Variants in GRIA1 observed in about 807,000 individuals in gnomAD.
The protein encoded by GRIA1 is glutamate receptor 1.
GRIA1 carries 31 observed loss-of-function variants against 99.2 expected under a neutral mutation model. That is an observed-to-expected ratio of 0.31 (90% confidence interval 0.23 to 0.42). The LOEUF (loss-of-function observed/expected upper bound fraction) is 0.42, where lower values mean the gene tolerates loss of function less well. GRIA1 is among the 10% of genes least tolerant of loss of function. GRIA1 has a pLI of 1.00. For synonymous variants in GRIA1, 438 were observed against 432.4 expected, an observed-to-expected ratio of 1.01 and a Z score of -0.16; for missense variants, 782 against 1,157.5, an observed-to-expected ratio of 0.68 and a Z score of 4.71.
chr5:153,545,493 T>C (rs945546073), intron 2 of GRIA1, among the ~76,000 whole-genome samples: 1 of 152,122 alleles, frequency 6.6e-6, no homozygotes, highest in Admixed American at 6.6e-5. Context: ...TAACCTTCTA[T>C]GCATTTCAGG....
At chr5:153,660,147 G>A (rs1481901160) in intron 5 of GRIA1, among the ~76,000 whole-genome samples, 1 of 152,154 alleles carries the variant, frequency 6.6e-6, no homozygotes, top group African/African-American at 2.4e-5. Context: ...TCAGGAATAT[G>A]ACAAAAACCA....
intron 5 of GRIA1, among the ~76,000 whole-genome samples, chr5:153,669,890 T>C (rs1397094722): frequency 6.6e-6 from 1 of 152,154 alleles, no homozygotes; most frequent in Non-Finnish European, 1.5e-5. Context: ...CCCTTCTCAA[T>C]GTTTGTTAGC....
chr5:153,698,828 C>A (rs1342736131), intron 9 of GRIA1, 39 bp from the exon 10 acceptor site: 1 of 1,360,860 alleles, frequency 7.3e-7, no homozygotes, highest in East Asian at 2.3e-5. Context: ...TGGGTGAACC[C>A]ATAACCCACA....
At chr5:153,526,995 G>T (rs1757658920) in intron 2 of GRIA1, among the ~76,000 whole-genome samples, 1 of 152,180 alleles carries the variant, frequency 6.6e-6, no homozygotes, top group Non-Finnish European at 1.5e-5. Flanking sequence ...AGCACTTGGT[G>T]GGTGCTCAGG....
At chr5:153,578,148 C>CAAAAAAAAAAAAAAA (rs60901793) in intron 2 of GRIA1, among the ~76,000 whole-genome samples, 14 of 69,314 alleles carry the variant, frequency 2.0e-4, no homozygotes, top group Non-Finnish European at 2.7e-4. Flanking sequence ...GAGACTCTGT[C>CAAAAAAAAAAAAAAA]AAAAAAAAAA....
intron 2 of GRIA1, among the ~76,000 whole-genome samples, chr5:153,543,942 A>T (rs896669083): frequency 6.6e-6 from 1 of 150,982 alleles, no homozygotes; most frequent in African/African-American, 2.4e-5. Context: ...GAAAAAATAA[A>T]GCATGGAGGG....
chr5:153,794,262 C>T (rs542529941), intron 13 of GRIA1, among the ~76,000 whole-genome samples: 8 of 151,958 alleles, frequency 5.3e-5, no homozygotes, highest in South Asian at 4.2e-4. Flanking sequence ...CACCGATGCC[C>T]GTCTTTCATT....
chr5:153,745,313 C>T (rs1030706272), intron 11 of GRIA1, among the ~76,000 whole-genome samples: 4 of 150,500 alleles, frequency 2.7e-5, no homozygotes, highest in South Asian at 2.1e-4. Flanking sequence ...ATAGACTGGG[C>T]ATGGTGGCTG....
intron 2 of GRIA1, among the ~76,000 whole-genome samples, chr5:153,509,156 ATAACAATATCCAATG>A (rs1459204282): frequency 1.3e-5 from 2 of 152,260 alleles, no homozygotes; most frequent in Non-Finnish European, 2.9e-5. Flanking sequence ...GTGTAATTTT[ATAACAATATCCAATG>A]TAACACAGAG....
intron 2 of GRIA1, among the ~76,000 whole-genome samples, chr5:153,519,135 G>A (rs777874295): frequency 2.0e-5 from 3 of 152,014 alleles, no homozygotes; most frequent in East Asian, 1.9e-4. Context: ...ATGATGGCAC[G>A]CACCTGTAGT....
At chr5:153,641,957 TAG>T (rs1753804827) in intron 2 of GRIA1, among the ~76,000 whole-genome samples, 1 of 152,182 alleles carries the variant, frequency 6.6e-6, no homozygotes, top group Admixed American at 6.5e-5. Flanking sequence ...TTGCCTAACA[TAG>T]TGTCTTCACA....
At chr5:153,701,449 C>G (rs1485397728) in intron 10 of GRIA1, among the ~76,000 whole-genome samples, 8 of 151,636 alleles carry the variant, frequency 5.3e-5, no homozygotes, top group African/African-American at 1.9e-4. Flanking sequence ...CCCATCTCTA[C>G]TAAGAATACA....
intron 2 of GRIA1, among the ~76,000 whole-genome samples, chr5:153,637,303 A>G (rs1303058829): frequency 6.6e-6 from 1 of 152,192 alleles, no homozygotes; most frequent in Non-Finnish European, 1.5e-5. Context: ...TTCCAGGCAC[A>G]TGTAAATTAA....
intron 13 of GRIA1, among the ~76,000 whole-genome samples, chr5:153,773,505 C>A (rs1001153538): frequency 6.6e-6 from 1 of 152,210 alleles, no homozygotes; most frequent in Non-Finnish European, 1.5e-5. Flanking sequence ...TGGACACTGA[C>A]TTTAACACAC....
chr5:153,739,293 G>T (rs1445470214), intron 11 of GRIA1, among the ~76,000 whole-genome samples: 1 of 152,034 alleles, frequency 6.6e-6, no homozygotes, highest in African/African-American at 2.4e-5. Context: ...AAGGTCTTTG[G>T]TTTTTGTTAT....
At chr5:153,550,431 A>C (rs981177709) in intron 2 of GRIA1, among the ~76,000 whole-genome samples, 1 of 152,114 alleles carries the variant, frequency 6.6e-6, no homozygotes, top group African/African-American at 2.4e-5. Flanking sequence ...CACTCAGATA[A>C]GGAAAAAATG....
At chr5:153,781,357 T>TA (rs5872341) in intron 13 of GRIA1, among the ~76,000 whole-genome samples, 3,140 of 144,626 alleles carry the variant, frequency 0.022, 92 homozygotes, top group African/African-American at 0.067. Flanking sequence ...TTTAGAGGAA[T>TA]AAAAAAAAAA....
intron 7 of GRIA1, among the ~76,000 whole-genome samples, chr5:153,685,712 G>T (rs1757293563): frequency 6.6e-6 from 1 of 152,152 alleles, no homozygotes; most frequent in Non-Finnish European, 1.5e-5. Context: ...TTATTCCCTG[G>T]ACTCAGGAAT....
At chr5:153,634,598 G>A (rs1315636195) in intron 2 of GRIA1, among the ~76,000 whole-genome samples, 1 of 152,282 alleles carries the variant, frequency 6.6e-6, no homozygotes, top group South Asian at 2.1e-4. Context: ...AGAACTCAGA[G>A]CCTCAGAGTT....
Sources: gnomAD v4.1 joint callset for allele counts (sites outside exome capture counted in the v4.1 genomes callset) on GRCh38, gnomAD v4.1.1 for gene constraint, MANE v1.5 for transcripts, NCBI Gene and HGNC (gene_info 2026-07-23, HGNC 2026-07-21) for gene names.